The following FAM135B variants were observed in gnomAD, a reference collection of about 807,000 sequenced individuals.
The protein encoded by FAM135B is family with sequence similarity 135 member B.
In FAM135B, 43 loss-of-function variants were observed where a neutral mutation model predicts 127.7. The observed-to-expected ratio is 0.34, with a 90% CI of 0.26 to 0.43. FAM135B has a LOEUF of 0.43. Ranked by LOEUF, FAM135B falls within the 20% of genes least tolerant of loss-of-function variation. The pLI, the probability that FAM135B is intolerant of heterozygous loss-of-function variation, is 1.00. For missense variants in FAM135B, 1,558 were observed against 1,725.6 expected (o/e 0.90, Z 1.72); for synonymous variants, 670 against 665.1 (o/e 1.01, Z -0.11).
At chr8:138,157,265 C>A (rs1818852894) in intron 12 of FAM135B, among the ~76,000 whole-genome samples, 1 of 152,168 alleles carries the variant, frequency 6.6e-6, no homozygotes, top group South Asian at 2.1e-4. Context: ...GCTAAAAATT[C>A]TCAATAAACT....
intron 9 of FAM135B, among the ~76,000 whole-genome samples, chr8:138,180,076 G>C (rs1334587289): frequency 6.6e-6 from 1 of 152,182 alleles, no homozygotes; most frequent in East Asian, 1.9e-4. Context: ...CCTTTGGACA[G>C]AAATGCTTTA....
intron 1 of FAM135B, among the ~76,000 whole-genome samples, chr8:138,431,643 C>T (rs1441530763): frequency 2.0e-5 from 3 of 152,154 alleles, no homozygotes; most frequent in African/African-American, 7.2e-5. Flanking sequence ...AAAACTTTTT[C>T]CAATCCCTGT....
intron 9 of FAM135B, among the ~76,000 whole-genome samples, chr8:138,191,771 C>A (rs1816150745): frequency 6.6e-6 from 1 of 152,220 alleles, no homozygotes; most frequent in Admixed American, 6.5e-5. Context: ...ACCATATTCC[C>A]TGCCAAAGGC....
At chr8:138,337,046 A>G (rs1828651663) in intron 2 of FAM135B, among the ~76,000 whole-genome samples, 1 of 152,196 alleles carries the variant, frequency 6.6e-6, no homozygotes, top group Non-Finnish European at 1.5e-5. Context: ...GGCCTTTGAC[A>G]AAATTCAACA....
At chr8:138,215,640 A>G (rs983473647) in intron 7 of FAM135B, among the ~76,000 whole-genome samples, 2 of 152,222 alleles carry the variant, frequency 1.3e-5, no homozygotes, top group African/African-American at 2.4e-5. Flanking sequence ...ATGAAACAAG[A>G]GGATGAAAGT....
At chr8:138,317,544 C>T (rs903345624) in intron 2 of FAM135B, among the ~76,000 whole-genome samples, 9 of 152,312 alleles carry the variant, frequency 5.9e-5, no homozygotes, top group Admixed American at 6.5e-5. Flanking sequence ...CTCTGTACTA[C>T]TTCTTAAAAC....
At chr8:138,335,373 G>T (rs966977740) in intron 2 of FAM135B, among the ~76,000 whole-genome samples, 1 of 151,982 alleles carries the variant, frequency 6.6e-6, no homozygotes, top group Admixed American at 6.6e-5. Flanking sequence ...GTGCAATATG[G>T]CATACGTAAT....
At chr8:138,402,996 A>T (rs1258931278) in intron 1 of FAM135B, among the ~76,000 whole-genome samples, 3 of 152,160 alleles carry the variant, frequency 2.0e-5, no homozygotes, top group Admixed American at 1.3e-4. Context: ...CAGCAAAAAG[A>T]CGGCCATCTG....
chr8:138,462,862 G>A (rs925417168), intron 1 of FAM135B, among the ~76,000 whole-genome samples: 4 of 152,196 alleles, frequency 2.6e-5, no homozygotes, highest in African/African-American at 7.2e-5. Context: ...TCAACGCCCA[G>A]CCCATGGCTG....
At chr8:138,161,051 G>C (rs1428773108) in intron 12 of FAM135B, among the ~76,000 whole-genome samples, 1 of 152,208 alleles carries the variant, frequency 6.6e-6, no homozygotes, top group South Asian at 2.1e-4. Context: ...TCTACAATGG[G>C]AAGATTCAAA....
At chr8:138,199,511 C>T (rs952144906) in intron 7 of FAM135B, among the ~76,000 whole-genome samples, 3 of 152,148 alleles carry the variant, frequency 2.0e-5, no homozygotes, top group Admixed American at 6.5e-5. Context: ...AGTTACCCGG[C>T]CTTGGGGCAA....
chr8:138,249,902 TCTGGCCATG>T (rs1215438398), intron 6 of FAM135B, among the ~76,000 whole-genome samples: 1 of 152,222 alleles, frequency 6.6e-6, no homozygotes, highest in East Asian at 1.9e-4. Context: ...CATGCACCTA[TCTGGCCATG>T]CTGGGAGTAG....
chr8:138,368,627 T>C (rs559564965), intron 1 of FAM135B, among the ~76,000 whole-genome samples: 1 of 152,280 alleles, frequency 6.6e-6, no homozygotes, highest in Admixed American at 6.5e-5. Flanking sequence ...ATATCAAGCG[T>C]GGCACATAGA....
At chr8:138,288,096 G>T (rs1303344464) in intron 3 of FAM135B, among the ~76,000 whole-genome samples, 5 of 152,160 alleles carry the variant, frequency 3.3e-5, no homozygotes, top group Admixed American at 3.3e-4. Context: ...TAACCAATCA[G>T]TGTTGGTTCG....
intron 19 of FAM135B, among the ~76,000 whole-genome samples, chr8:138,136,196 T>C (rs1366262180): frequency 6.6e-6 from 1 of 152,078 alleles, no homozygotes; most frequent in Non-Finnish European, 1.5e-5. Flanking sequence ...ATTTTCTAGA[T>C]ACCAGGGAAA....
chr8:138,228,081 G>A (rs951821184), intron 7 of FAM135B, among the ~76,000 whole-genome samples: 5 of 151,962 alleles, frequency 3.3e-5, no homozygotes, highest in Non-Finnish European at 7.4e-5. Context: ...ACCCTGTCTT[G>A]GGCACTTTAT....
intron 9 of FAM135B, among the ~76,000 whole-genome samples, chr8:138,182,119 C>T (rs2131011509): frequency 6.6e-6 from 1 of 152,322 alleles, no homozygotes; most frequent in African/African-American, 2.4e-5. Context: ...GCAAACACAG[C>T]ACGAATCCTG....
intron 12 of FAM135B, among the ~76,000 whole-genome samples, chr8:138,167,508 C>A (rs1004270459): frequency 2.0e-5 from 3 of 152,130 alleles, no homozygotes; most frequent in African/African-American, 7.2e-5. Flanking sequence ...TGGCCCAATG[C>A]CTTTAAAGTT....
In FAM135B at chr8:138,243,056, T is replaced by C. The variant is rs535898797; in HGVS notation, c.555A>G (p.Pro185=). 1.8e-5 allele frequency: 29 copies of C among 1,609,840 alleles called. No individual in the cohort carries two copies. The change falls in exon 7 of 20, where the codon CCA becomes CCG. Residue 185 remains proline (P), a synonymous_variant. Coordinates refer to ENST00000395297, the MANE Select transcript of FAM135B (RefSeq NM_015912.4). The surrounding 1 kb of genome is among the most constrained non-coding windows in gnomAD (Gnocchi z 7.5). The part of the protein sequence containing the change: ...LQQPLISFTR[P]GRGSWLGKGG... ...CTTTACCAAGCCAGGAGCCTCTTCC[T>C]GGACGAGTAAAACTAAACAAAAGAT...
Sources: gnomAD v4.1 joint callset for allele counts (sites outside exome capture counted in the v4.1 genomes callset) on GRCh38, gnomAD v4.1.1 for gene constraint, Gnocchi (gnomAD v3.1) non-coding constraint, MANE v1.5 for transcripts, NCBI Gene and HGNC (gene_info 2026-07-23, HGNC 2026-07-21) for gene names.